SAP30BP: variants seen among roughly 807,000 people sequenced by gnomAD.
SAP30BP encodes the protein SAP30-binding protein.
SAP30BP carries 31 observed loss-of-function variants against 46.3 expected under a neutral mutation model. That is an observed-to-expected ratio of 0.67 (90% CI 0.50 to 0.90). The LOEUF is 0.90. Among genes scored for constraint, SAP30BP ranks in the 40% least tolerant of loss-of-function variants. SAP30BP has a pLI of 0.00. For synonymous variants in SAP30BP, 169 were observed against 144.2 expected (o/e 1.17, Z -1.23); for missense variants, 312 against 391.0 (o/e 0.80, Z 1.70).
At chr17:75,672,154 T>G (rs536191371) in intron 3 of SAP30BP, 67 of 412,818 alleles carry the variant, frequency 1.6e-4, no homozygotes, top group African/African-American at 1.1e-3. Flanking sequence ...GCATCCCAGA[T>G]GGGGCTTTAA....
intron 3 of SAP30BP, among the ~76,000 whole-genome samples, chr17:75,676,292 T>C (rs1023952102): frequency 6.6e-6 from 1 of 152,204 alleles, no homozygotes; most frequent in African/African-American, 2.4e-5. Context: ...ATTTGAAAAT[T>C]GCTGATGTAC....
intron 9 of SAP30BP, 115 bp downstream of exon 9, chr17:75,704,929 C>T (rs576990957): frequency 2.4e-5 from 19 of 804,580 alleles, no homozygotes; most frequent in Admixed American, 3.8e-5. Flanking sequence ...TGTCATCACC[C>T]GGCGATGCTC....
rs182268973 is a variant in SAP30BP, at chr17:75,672,035, A to G, written c.264+172A>G. The stretch of plus-strand genomic sequence containing the variant: ...AGAAAGAACCTGGAGACAACTCAGG[A>G]ATGAACAAATCCTGAGACACATTGG... On this transcript the variant is annotated intron_variant, in intron 3 of 10. Coordinates refer to ENST00000584667, the MANE Select transcript of SAP30BP (RefSeq NM_013260.8). 2.1e-4 allele frequency: 132 copies of G among 623,272 alleles called. 1 individual carries two copies. The highest frequency in any genetic ancestry group is 2.1e-5 in the Non-Finnish European group (7 of 340,140). The allele number at this position is 623,272 out of a possible 1,614,324, so 38.6% of individuals were successfully genotyped here. A position where few individuals can be genotyped will look rare whatever the true frequency, so the allele number is the denominator to read the frequency against.
At chr17:75,672,438 A>G (rs913083732) in intron 3 of SAP30BP, among the ~76,000 whole-genome samples, 8 of 152,208 alleles carry the variant, frequency 5.3e-5, no homozygotes, top group African/African-American at 1.9e-4. Flanking sequence ...AGTAGCAGCC[A>G]AGAGTAATTT....
At chr17:75,699,517 A>C (rs905979702) in intron 4 of SAP30BP, among the ~76,000 whole-genome samples, 10 of 152,110 alleles carry the variant, frequency 6.6e-5, no homozygotes, top group African/African-American at 1.9e-4. Context: ...AAAAAAAAAA[A>C]AAAAACGGAA....
chr17:75,703,396 G>A (rs1389210507), intron 7 of SAP30BP, 25 bp downstream of exon 7: 8 of 1,608,772 alleles, frequency 5.0e-6, no homozygotes, highest in Non-Finnish European at 6.0e-6. Context: ...CGGGGCTGGA[G>A]GGTGATGGGG....
At chr17:75,692,187 G>A (rs2060251638) in intron 3 of SAP30BP, 1 of 983,312 alleles carries the variant, frequency 1.0e-6, no homozygotes, top group Non-Finnish European at 1.2e-6. Flanking sequence ...CCCAGCATCA[G>A]GAGGGACTTT....
Position 75,702,585 on chromosome 17 carries a change from G to A in SAP30BP, c.488+14G>A. On this transcript the variant is annotated intron_variant, in intron 6 of 10. Coordinates refer to ENST00000584667, the MANE Select transcript of SAP30BP (RefSeq NM_013260.8). ...TCGGAACCCTAGGTAAGTTTCCCTT[G>A]AGCCTGCAGAGTTTATTGAGTTATT... 7.9e-7 allele frequency: 1 copy of A among 1,267,972 alleles called. No individual in the cohort carries two copies. The highest frequency in any genetic ancestry group is 1.2e-5 in the South Asian group (1 of 82,610). The allele number at this position is 1,267,972 out of a possible 1,614,324, so 78.5% of individuals were successfully genotyped here. A position where few individuals can be genotyped will look rare whatever the true frequency, so the allele number is the denominator to read the frequency against.
At chr17:75,680,213 G>T (rs148783881) in intron 3 of SAP30BP, among the ~76,000 whole-genome samples, 1 of 152,258 alleles carries the variant, frequency 6.6e-6, no homozygotes, top group East Asian at 1.9e-4. Flanking sequence ...CCCAGCCCAG[G>T]AGTGTACATC....
chr17:75,705,258 C>G (rs117043548), intron 9 of SAP30BP: 75 of 189,762 alleles, frequency 4.0e-4, no homozygotes, highest in Non-Finnish European at 5.1e-4. Context: ...ACCACTTGTT[C>G]CCTGGCAGTG....
intron 4 of SAP30BP, among the ~76,000 whole-genome samples, chr17:75,696,517 C>G (rs2060321466): frequency 6.7e-6 from 1 of 150,322 alleles, no homozygotes; most frequent in South Asian, 2.1e-4. Flanking sequence ...GCACTCCAGT[C>G]TGGGCGACAT....
chr17:75,696,829 G>C (rs966762169), intron 4 of SAP30BP, among the ~76,000 whole-genome samples: 8 of 146,334 alleles, frequency 5.5e-5, no homozygotes, highest in Middle Eastern at 3.4e-3. Context: ...AGGGGCTGGA[G>C]TGCAGTGGTG....
At chr17:75,678,240 A>C (rs2060021716) in intron 3 of SAP30BP, among the ~76,000 whole-genome samples, 1 of 152,046 alleles carries the variant, frequency 6.6e-6, no homozygotes, top group African/African-American at 2.4e-5. Context: ...GTTGTCCCTC[A>C]CTATCTGTGG....
At chr17:75,700,498 A>G (rs2060392132) in intron 5 of SAP30BP, among the ~76,000 whole-genome samples, 1 of 152,174 alleles carries the variant, frequency 6.6e-6, no homozygotes, top group Non-Finnish European at 1.5e-5. Flanking sequence ...AGGCTGCACA[A>G]TCATGGCTCC....
chr17:75,704,717 C>A, intron 8 of SAP30BP, 39 bp from the exon 9 acceptor site: 1 of 1,527,320 alleles, frequency 6.5e-7, no homozygotes, highest in South Asian at 1.1e-5. Flanking sequence ...CAGAGCTGCT[C>A]GGGGGCCACC....
intron 2 of SAP30BP, among the ~76,000 whole-genome samples, chr17:75,671,424 G>C (rs573585149): frequency 4.6e-5 from 7 of 152,338 alleles, no homozygotes; most frequent in Non-Finnish European, 8.8e-5. Context: ...TCATAATCCT[G>C]ATTTGAAATA....
At chr17:75,699,497 C>T (rs963086550) in intron 4 of SAP30BP, among the ~76,000 whole-genome samples, 13 of 150,364 alleles carry the variant, frequency 8.6e-5, no homozygotes, top group South Asian at 2.1e-4. Flanking sequence ...CAGCTGACCC[C>T]GTCTCTTTAA....
At chr17:75,682,220 T>C (rs890722548) in intron 3 of SAP30BP, among the ~76,000 whole-genome samples, 1 of 152,046 alleles carries the variant, frequency 6.6e-6, no homozygotes, top group Non-Finnish European at 1.5e-5. Context: ...GTTTCACTCT[T>C]GTTGCCCAGG....
At chr17:75,703,446 G>A in intron 7 of SAP30BP, 75 bp downstream of exon 7, 1 of 1,368,846 alleles carries the variant, frequency 7.3e-7, no homozygotes. Context: ...GATTTGACCT[G>A]CAGCCACAGA....
Sources: allele counts gnomAD v4.1 joint callset (sites outside exome capture counted in the v4.1 genomes callset), GRCh38; gene constraint gnomAD v4.1.1; transcripts MANE v1.5; gene names NCBI Gene and HGNC (gene_info 2026-07-23, HGNC 2026-07-21).